TAFA1: variants seen among roughly 807,000 people sequenced by gnomAD.
The protein encoded by TAFA1 is chemokine-like protein TAFA-1.
A neutral mutation model predicts 18.5 loss-of-function variants in TAFA1; 4 were observed. The observed-to-expected ratio is 0.22, with a 90% CI of 0.11 to 0.49. TAFA1 has a LOEUF of 0.49. Among genes scored for constraint, TAFA1 ranks in the 20% least tolerant of loss-of-function variants. The probability of loss-of-function intolerance (pLI) is 0.98; values close to 1 mark genes in which losing one functional copy is unlikely to be tolerated. For missense variants in TAFA1, 147 were observed against 169.0 expected, an observed-to-expected ratio of 0.87 and a Z score of 0.72; for synonymous variants, 56 against 55.2, an observed-to-expected ratio of 1.01 and a Z score of -0.06.
At chr3:68,466,903 T>A (rs1347991525) in intron 3 of TAFA1, among the ~76,000 whole-genome samples, 2 of 152,158 alleles carry the variant, frequency 1.3e-5, no homozygotes, top group Non-Finnish European at 2.9e-5. Context: ...TGTCGGCAGG[T>A]TCCGTGATGC....
At chr3:68,238,992 T>A (rs1023762635) in intron 2 of TAFA1, among the ~76,000 whole-genome samples, 4 of 152,208 alleles carry the variant, frequency 2.6e-5, no homozygotes, top group African/African-American at 9.6e-5. Context: ...TTACTTGGGC[T>A]AATTTCTAAA....
At chr3:68,219,575 A>C (rs1486682619) in intron 2 of TAFA1, among the ~76,000 whole-genome samples, 2 of 152,016 alleles carry the variant, frequency 1.3e-5, no homozygotes, top group Non-Finnish European at 2.9e-5. Context: ...TAGAGGCAGC[A>C]CTCAAGGGGC....
intron 3 of TAFA1, among the ~76,000 whole-genome samples, chr3:68,514,273 T>C (rs1361648656): frequency 2.0e-5 from 3 of 152,196 alleles, no homozygotes; most frequent in Non-Finnish European, 2.9e-5. Context: ...TGAGAGCCCT[T>C]CTATATAGAT....
intron 2 of TAFA1, among the ~76,000 whole-genome samples, chr3:68,284,006 C>T (rs1286018185): frequency 6.6e-6 from 1 of 152,198 alleles, no homozygotes; most frequent in Non-Finnish European, 1.5e-5. Flanking sequence ...ATGCCTGTTG[C>T]TCCTTATGAT....
intron 3 of TAFA1, among the ~76,000 whole-genome samples, chr3:68,425,619 A>T (rs1158407840): frequency 6.6e-6 from 1 of 151,936 alleles, no homozygotes; most frequent in Non-Finnish European, 1.5e-5. Flanking sequence ...TGAGAGGATG[A>T]ATGTACAAGA....
At chr3:68,264,737 T>TAG (rs2067509724) in intron 2 of TAFA1, among the ~76,000 whole-genome samples, 2 of 151,848 alleles carry the variant, frequency 1.3e-5, no homozygotes, top group Admixed American at 6.6e-5. Flanking sequence ...ATTTATATTC[T>TAG]ATATAATTTC....
intron 2 of TAFA1, among the ~76,000 whole-genome samples, chr3:68,301,889 T>A (rs573980162): frequency 4.6e-5 from 7 of 152,224 alleles, no homozygotes; most frequent in Non-Finnish European, 1.0e-4. Flanking sequence ...TGGGAATATA[T>A]TTTGTTTTGG....
intron 2 of TAFA1, among the ~76,000 whole-genome samples, chr3:68,367,207 G>T (rs2069591864): frequency 6.6e-6 from 1 of 152,156 alleles, no homozygotes; most frequent in Non-Finnish European, 1.5e-5. Flanking sequence ...GATGTTTCTG[G>T]CACAGAAATC....
At chr3:68,323,775 T>C (rs2068729719) in intron 2 of TAFA1, among the ~76,000 whole-genome samples, 1 of 152,174 alleles carries the variant, frequency 6.6e-6, no homozygotes, top group Non-Finnish European at 1.5e-5. Context: ...ATGCTAGCAA[T>C]GGACAGATTT....
intron 2 of TAFA1, among the ~76,000 whole-genome samples, chr3:68,044,352 A>G (rs537545085): frequency 3.3e-4 from 51 of 152,312 alleles, no homozygotes; most frequent in African/African-American, 1.1e-3. Context: ...TTACAAAATG[A>G]TGATTACATA....
intron 3 of TAFA1, among the ~76,000 whole-genome samples, chr3:68,498,722 CTTTTTTTTTTTTTTTTTT>C (rs34030223): frequency 4.8e-4 from 47 of 97,022 alleles, no homozygotes; most frequent in African/African-American, 9.1e-4. Context: ...CGTTTGGTGG[CTTTTTTTTTTTTTTTTTT>C]TTTTTTTTTT....
intron 2 of TAFA1, among the ~76,000 whole-genome samples, chr3:68,233,099 A>C (rs1332419150): frequency 6.6e-6 from 1 of 152,066 alleles, no homozygotes; most frequent in African/African-American, 2.4e-5. Context: ...TTTCCCTGAT[A>C]ATTAGTGACA....
intron 2 of TAFA1, among the ~76,000 whole-genome samples, chr3:68,353,759 A>G (rs890475478): frequency 6.6e-6 from 1 of 151,996 alleles, no homozygotes; most frequent in Admixed American, 6.6e-5. Flanking sequence ...TCAGTCTCCT[A>G]ACGTTTTAAC....
At position 68,179,848 on chromosome 3, in the gene TAFA1, G is replaced by C. The variant is rs142545370; in HGVS notation, c.118+173104G>C. On this transcript the variant is annotated intron_variant, in intron 2 of 4. Coordinates refer to ENST00000478136, the MANE Select transcript of TAFA1 (RefSeq NM_213609.4). The stretch of plus-strand genomic sequence containing the variant: ...CATGCTCCTGAAATTTGGGAGGACA[G>C]TCTTCCCATCTGTCCTTCATTTACC... 2.3e-3 allele frequency among the ~76,000 whole-genome samples: 353 copies of C among 152,030 alleles called. 1 individual carries two copies. Among genetic ancestry groups the C allele is most frequent in the East Asian group, 0.019 (97 of 5,162 alleles).
chr3:68,544,441 G>C lies in TAFA1; in HGVS notation c.385-45G>C, dbSNP rs1270858616. ...ATAATCACATTTCTTTGTGCCTTCAGTTTGCACTGTTCTCCCTGAAATGTC... is the reference window on the plus strand; with the variant it reads ...ATAATCACATTTCTTTGTGCCTTCACTTTGCACTGTTCTCCCTGAAATGTC... On this transcript the variant is annotated intron_variant, in intron 4 of 4. Transcript: ENST00000478136. 4 of 1,604,774 alleles carry C rather than the reference G, an allele frequency of 2.5e-6. No individual in the cohort carries two copies. The South Asian group carries it at 4.4e-5, about 18-fold the overall frequency.
chr3:68,516,861 C>T (rs1160942886), intron 3 of TAFA1, among the ~76,000 whole-genome samples: 9 of 152,108 alleles, frequency 5.9e-5, no homozygotes, highest in Admixed American at 3.9e-4. Flanking sequence ...GCAACCTCCA[C>T]GTCCTGGGTT....
At chr3:68,126,760 C>T (rs750780855) in intron 2 of TAFA1, among the ~76,000 whole-genome samples, 12 of 152,134 alleles carry the variant, frequency 7.9e-5, no homozygotes, top group Non-Finnish European at 1.8e-4. Flanking sequence ...GTTATGTGGA[C>T]ATTCAATTGG....
At chr3:68,440,347 T>G (rs1053264103) in intron 3 of TAFA1, among the ~76,000 whole-genome samples, 1 of 152,182 alleles carries the variant, frequency 6.6e-6, no homozygotes, top group African/African-American at 2.4e-5. Flanking sequence ...CAATCTTGGA[T>G]ATGTCTTTAT....
chr3:68,417,050 T>C (rs1393906318), intron 2 of TAFA1, among the ~76,000 whole-genome samples: 1 of 152,194 alleles, frequency 6.6e-6, no homozygotes, highest in Non-Finnish European at 1.5e-5. Flanking sequence ...CAGGCCAGAA[T>C]TGCCACATCT....
Sources: gnomAD v4.1 joint callset for allele counts (sites outside exome capture counted in the v4.1 genomes callset) on GRCh38, gnomAD v4.1.1 for gene constraint, MANE v1.5 for transcripts, NCBI Gene and HGNC (gene_info 2026-07-23, HGNC 2026-07-21) for gene names.